Variants in SLCO3A1 observed in about 807,000 individuals in gnomAD.
The protein encoded by SLCO3A1 is solute carrier organic anion transporter family member 3A1, also known as PGE1 transporter.
In SLCO3A1, 27 loss-of-function variants were observed where a neutral mutation model predicts 63.1. The ratio of observed to expected loss-of-function variants is 0.43; its 90% CI spans 0.32 to 0.59. The LOEUF is 0.59. Ranked by LOEUF, SLCO3A1 falls within the 20% of genes least tolerant of loss-of-function variation. SLCO3A1 has a pLI of 0.09. For missense variants in SLCO3A1, 773 were observed against 945.8 expected, an observed-to-expected ratio of 0.82 and a Z score of 2.40; for synonymous variants, 473 against 409.9, an observed-to-expected ratio of 1.15 and a Z score of -1.86.
Position 91,993,400 on chromosome 15 carries a change from AG to A in SLCO3A1, c.646+76943del, listed in dbSNP as rs565844501. On this transcript the variant is annotated intron_variant, in intron 2 of 9. Transcript: ENST00000318445. ...AGATGAAATTTGAGAACTAATTTATAGAGATAATGACTTAGAGTAGAAATTG... is the reference window on the plus strand; with the variant it reads ...AGATGAAATTTGAGAACTAATTTATAAGATAATGACTTAGAGTAGAAATTG... Among the ~76,000 whole-genome samples, 609 of 152,336 alleles carry A rather than the reference AG, an allele frequency of 4.0e-3. 4 individuals are homozygous for A. The highest frequency in any genetic ancestry group is 5.0e-3 in the Non-Finnish European group (343 of 68,032).
chr15:91,894,427 C>T lies in SLCO3A1; in HGVS notation c.181-21566C>T, dbSNP rs941351385. Among the ~76,000 whole-genome samples the T allele has an allele frequency of 3.9e-5, 6 of 151,998 alleles. No homozygotes were observed. Among genetic ancestry groups the T allele is most frequent in the Non-Finnish European group, 8.8e-5 (6 of 68,002 alleles). ...AGAGGCATGGCAGGTGTGGTGGTAT[C>T]TCAGGTGAGGGGTTGATGGTCGCCA... On this transcript the variant is annotated intron_variant, in intron 1 of 9. Transcript: ENST00000318445. This position sits in a 1 kb window ranked among gnomAD's most constrained non-coding sequence, Gnocchi z 4.8.
At chr15:92,072,500 G>A (rs1381279653) in intron 2 of SLCO3A1, among the ~76,000 whole-genome samples, 4 of 152,036 alleles carry the variant, frequency 2.6e-5, no homozygotes, top group Non-Finnish European at 4.4e-5. Context: ...ACAAAAGATT[G>A]GTTTTCTGAG....
At chr15:92,099,283 T>G (rs983685756) in intron 3 of SLCO3A1, among the ~76,000 whole-genome samples, 1 of 152,246 alleles carries the variant, frequency 6.6e-6, no homozygotes, top group Non-Finnish European at 1.5e-5. Flanking sequence ...TTTGGGCTAA[T>G]TAGCCCAATG....
At position 92,163,262 on chromosome 15, in the gene SLCO3A1, C is replaced by G; in HGVS notation, c.*127C>G. The G allele has an allele frequency of 2.2e-6, 3 of 1,365,544 alleles. No homozygotes were observed. The highest frequency in any genetic ancestry group is 1.9e-6 in the Non-Finnish European group (2 of 1,065,350). The allele number at this position is 1,365,544 out of a possible 1,614,324, so 84.6% of individuals were successfully genotyped here. On this transcript the variant is annotated 3_prime_UTR_variant, in exon 10 of 10. Coordinates refer to ENST00000318445, the MANE Select transcript of SLCO3A1 (RefSeq NM_013272.4). Reference sequence around the variant, plus strand: ...ACACAGGCACAGATGCACACACACGCAGACAGACACACCGACTTTGTCCTT... The same window carrying G: ...ACACAGGCACAGATGCACACACACGGAGACAGACACACCGACTTTGTCCTT...
At chr15:92,099,101 T>G (rs1448317270) in intron 3 of SLCO3A1, among the ~76,000 whole-genome samples, 3 of 152,206 alleles carry the variant, frequency 2.0e-5, no homozygotes, top group Non-Finnish European at 4.4e-5. Flanking sequence ...CACCAGCACA[T>G]CCATGCAGAC....
Position 92,065,722 on chromosome 15 carries a change from A to G in SLCO3A1, c.647-29159A>G, listed in dbSNP as rs1034183223. 5.3e-5 allele frequency among the ~76,000 whole-genome samples: 8 copies of G among 152,208 alleles called. No individual in the cohort carries two copies. In the East Asian group the frequency reaches 5.8e-4, roughly 11 times the overall value. The stretch of plus-strand genomic sequence containing the variant: ...ATGTTATTTCCTTCTTTTTTTAACA[A>G]TGTTATTGAGGTATAATTTATATAC... On this transcript the variant is annotated intron_variant, in intron 2 of 9. Coordinates refer to ENST00000318445, the MANE Select transcript of SLCO3A1 (RefSeq NM_013272.4).
chr15:92,098,124 C>T (rs1220518973), intron 3 of SLCO3A1: 3 of 152,272 alleles, frequency 2.0e-5, no homozygotes, highest in Non-Finnish European at 4.4e-5. Context: ...ACAGAGGGCC[C>T]TCGTTATGGG....
chr15:92,007,414 G>A (rs964808942), intron 2 of SLCO3A1, among the ~76,000 whole-genome samples: 23 of 152,210 alleles, frequency 1.5e-4, no homozygotes, highest in South Asian at 4.1e-4. Flanking sequence ...TTGAATCGGG[G>A]AAGACTGCAA....
chr15:92,151,236 C>T (rs1231697661), intron 9 of SLCO3A1: 7 of 457,406 alleles, frequency 1.5e-5, no homozygotes, highest in East Asian at 7.6e-5. Context: ...CTTATCTTCA[C>T]GCCACCGTGA....
chr15:91,920,796 C>T (rs1252992821), intron 2 of SLCO3A1, among the ~76,000 whole-genome samples: 1 of 152,208 alleles, frequency 6.6e-6, no homozygotes, highest in African/African-American at 2.4e-5. Flanking sequence ...TGAATAATCC[C>T]TATCCCTCTT....
rs1042558599 is a variant in SLCO3A1, at chr15:92,091,595, C to A, written c.647-3286C>A. Among the ~76,000 whole-genome samples, 10 of 152,218 alleles carry A rather than the reference C, an allele frequency of 6.6e-5. No homozygotes were observed. The East Asian group carries it at 1.9e-3, about 29-fold the overall frequency. Reference sequence around the variant, plus strand: ...GCTCGTTTCAGTTGTTAAGATATTTCTGAAGGCACTTCCCGATGCACGAAG... The same window carrying A: ...GCTCGTTTCAGTTGTTAAGATATTTATGAAGGCACTTCCCGATGCACGAAG... On this transcript the variant is annotated intron_variant, in intron 2 of 9. Coordinates refer to ENST00000318445, the MANE Select transcript of SLCO3A1 (RefSeq NM_013272.4).
chr15:91,881,140 G>T (rs1179474344), intron 1 of SLCO3A1, among the ~76,000 whole-genome samples: 3 of 152,210 alleles, frequency 2.0e-5, no homozygotes, highest in Non-Finnish European at 4.4e-5. Flanking sequence ...GTGATCAAAG[G>T]AGATGTAATA....
At chr15:92,121,760 C>A (rs1449671594) in intron 5 of SLCO3A1, among the ~76,000 whole-genome samples, 1 of 152,122 alleles carries the variant, frequency 6.6e-6, no homozygotes. Context: ...CAACAGCACC[C>A]AAAAGAAATG....
chr15:92,075,041 C>T (rs1451466661), intron 2 of SLCO3A1, among the ~76,000 whole-genome samples: 1 of 152,160 alleles, frequency 6.6e-6, no homozygotes, highest in Non-Finnish European at 1.5e-5. Flanking sequence ...TCCCTTCAAC[C>T]CTGATACCTG....
chr15:92,041,573 G>A (rs943738574), intron 2 of SLCO3A1, among the ~76,000 whole-genome samples: 4 of 152,284 alleles, frequency 2.6e-5, no homozygotes, highest in East Asian at 1.9e-4. Flanking sequence ...TCTTCAACCC[G>A]TACATTTTAA....
chr15:92,104,886 G>A (rs1285042903), intron 4 of SLCO3A1, among the ~76,000 whole-genome samples: 1 of 151,966 alleles, frequency 6.6e-6, no homozygotes, highest in African/African-American at 2.4e-5. Flanking sequence ...ATAAGCACCT[G>A]GAAGCAATAA....
intron 2 of SLCO3A1, among the ~76,000 whole-genome samples, chr15:91,936,089 G>T (rs186086514): frequency 6.6e-6 from 1 of 152,302 alleles, no homozygotes; most frequent in African/African-American, 2.4e-5. Context: ...TAGCTCTGTA[G>T]CTTAGCTTCC....
downstream of SLCO3A1, among the ~76,000 whole-genome samples, chr15:92,166,671 A>G (rs2048495348): frequency 6.6e-6 from 1 of 152,078 alleles, no homozygotes; most frequent in Non-Finnish European, 1.5e-5. Flanking sequence ...CTCTTGAGGA[A>G]TTTTCCCAGG....
intron 1 of SLCO3A1, among the ~76,000 whole-genome samples, chr15:91,901,245 C>T (rs952706213): frequency 1.3e-5 from 2 of 152,170 alleles, no homozygotes; most frequent in Admixed American, 6.5e-5. Context: ...AACATGGAAA[C>T]TTTCCTCCAG....
Sources: allele counts gnomAD v4.1 joint callset (sites outside exome capture counted in the v4.1 genomes callset), GRCh38; gene constraint gnomAD v4.1.1; non-coding constraint Gnocchi (gnomAD v3.1); transcripts MANE v1.5; gene names NCBI Gene and HGNC (gene_info 2026-07-23, HGNC 2026-07-21).